The following RALYL variants were observed in gnomAD, a reference collection of about 807,000 sequenced individuals.
The protein encoded by RALYL is RALY RNA binding protein like, also known as RNA-binding Raly-like protein.
In RALYL, 29 loss-of-function variants were observed where a neutral mutation model predicts 35.1. The observed-to-expected ratio is 0.83, with a 90% CI of 0.61 to 1.13. The LOEUF (loss-of-function observed/expected upper bound fraction) is 1.13. RALYL is among the 50% of genes most tolerant of loss of function. The pLI, the probability that RALYL is intolerant of heterozygous loss-of-function variation, is 0.00. For missense variants in RALYL, 359 were observed against 360.4 expected, an observed-to-expected ratio of 1.00 and a Z score of 0.03; for synonymous variants, 120 against 127.6, an observed-to-expected ratio of 0.94 and a Z score of 0.40.
intron 3 of RALYL, among the ~76,000 whole-genome samples, chr8:84,791,968 G>A (rs1563614132): frequency 6.6e-6 from 1 of 152,130 alleles, no homozygotes. Context: ...CCGTATGTGT[G>A]CACTCAAACC....
intron 1 of RALYL, among the ~76,000 whole-genome samples, chr8:84,424,458 T>G (rs992900208): frequency 2.8e-5 from 4 of 142,694 alleles, no homozygotes; most frequent in Admixed American, 7.0e-5. Flanking sequence ...CTTCTAAATT[T>G]TTTTCAAAGT....
intron 6 of RALYL, 110 bp from the exon 7 acceptor site, chr8:84,873,174 T>C: frequency 1.8e-6 from 1 of 551,160 alleles, no homozygotes. Flanking sequence ...AAATGTCCTA[T>C]GTGATTTGAC....
intron 2 of RALYL, among the ~76,000 whole-genome samples, chr8:84,735,200 A>G (rs1847021686): frequency 6.6e-6 from 1 of 151,888 alleles, no homozygotes; most frequent in Non-Finnish European, 1.5e-5. Context: ...AGACTAGATA[A>G]TGAATTCTTG....
At chr8:84,805,101 A>C (rs545275499) in intron 4 of RALYL, among the ~76,000 whole-genome samples, 1 of 152,190 alleles carries the variant, frequency 6.6e-6, no homozygotes, top group Non-Finnish European at 1.5e-5. Flanking sequence ...ATTGGTTTTA[A>C]AAATTCCTCT....
intron 2 of RALYL, among the ~76,000 whole-genome samples, chr8:84,556,500 C>CA (rs199985575): frequency 0.016 from 2,416 of 149,782 alleles, 50 homozygotes; most frequent in African/African-American, 0.051. Context: ...TTGTAAAAGA[C>CA]AAAAAAAAAT....
intron 1 of RALYL, among the ~76,000 whole-genome samples, chr8:84,228,261 G>T (rs201465729): frequency 4.6e-5 from 7 of 151,724 alleles, no homozygotes; most frequent in East Asian, 3.9e-4. Flanking sequence ...AAATACAGTC[G>T]CAAGAATAAG....
intron 2 of RALYL, among the ~76,000 whole-genome samples, chr8:84,663,874 A>G (rs1304100367): frequency 2.6e-5 from 4 of 151,916 alleles, no homozygotes; most frequent in Middle Eastern, 3.2e-3. Flanking sequence ...TGGCATCTTC[A>G]TCATGAAATC....
intron 1 of RALYL, among the ~76,000 whole-genome samples, chr8:84,395,862 A>T (rs1233099915): frequency 6.6e-6 from 1 of 151,936 alleles, no homozygotes; most frequent in Non-Finnish European, 1.5e-5. Context: ...TTTCCTAGGG[A>T]TGTAAATTTC....
intron 2 of RALYL, among the ~76,000 whole-genome samples, chr8:84,714,127 A>G (rs1283515433): frequency 1.3e-5 from 2 of 151,906 alleles, no homozygotes; most frequent in Non-Finnish European, 2.9e-5. Flanking sequence ...AGAGGACATT[A>G]TGCTAAATGA....
Position 84,862,222 on chromosome 8 carries a change from G to T in RALYL, c.414-74G>T, listed in dbSNP as rs1366364221. On this transcript the variant is annotated intron_variant, in intron 5 of 8. Transcript: ENST00000521268. ...TTGAAATTTTCTACCAGGACATTCT[G>T]TTCAACATTTCACATATTTGATAGA... 1.4e-5 allele frequency: 18 copies of T among 1,263,684 alleles called. No individual in the cohort carries two copies. The African/African-American group carries it at 2.0e-4, about 14-fold the overall frequency. The allele number at this position is 1,263,684 out of a possible 1,614,324, so 78.3% of individuals were successfully genotyped here. A position where few individuals can be genotyped will look rare whatever the true frequency, so the allele number is the denominator to read the frequency against.
At chr8:84,779,968 C>T (rs1177554639) in intron 3 of RALYL, among the ~76,000 whole-genome samples, 1 of 152,178 alleles carries the variant, frequency 6.6e-6, no homozygotes, top group Admixed American at 6.5e-5. Context: ...GGAAAAACAT[C>T]CTGGTCATCT....
chr8:84,643,242 C>T (rs1352669214), intron 2 of RALYL, among the ~76,000 whole-genome samples: 2 of 151,770 alleles, frequency 1.3e-5, no homozygotes, highest in African/African-American at 2.4e-5. Flanking sequence ...CCAAGGGTAC[C>T]ACAAATACAA....
At chr8:84,746,175 C>G (rs1464288273) in intron 2 of RALYL, among the ~76,000 whole-genome samples, 1 of 151,968 alleles carries the variant, frequency 6.6e-6, no homozygotes, top group Non-Finnish European at 1.5e-5. Flanking sequence ...ATGCCTGTCA[C>G]AGGATGGGGA....
chr8:84,522,451 G>A (rs933440474), intron 1 of RALYL, among the ~76,000 whole-genome samples: 74 of 151,558 alleles, frequency 4.9e-4, no homozygotes, highest in Non-Finnish European at 7.4e-4. Context: ...GGGTTTCACC[G>A]TTTTAGCCGG....
At position 84,529,598 on chromosome 8, in the gene RALYL, G is replaced by A. The variant is rs375690005; in HGVS notation, c.256+21G>A. 7.4e-4 allele frequency: 1,181 copies of A among 1,594,766 alleles called. 2 individuals carry two copies. Among genetic ancestry groups the A allele is most frequent in the Non-Finnish European group, 9.5e-4 (1,111 of 1,165,400 alleles). ...ACTTGGTAAGTCATGCTCAGACATG[G>A]ATCTCACGTTATTGTTCATATATCT... On this transcript the variant is annotated intron_variant, in intron 2 of 8. Coordinates refer to ENST00000521268, the MANE Select transcript of RALYL (RefSeq NM_173848.7).
chr8:84,429,389 G>A (rs983274934), intron 1 of RALYL, among the ~76,000 whole-genome samples: 1 of 152,154 alleles, frequency 6.6e-6, no homozygotes, highest in Non-Finnish European at 1.5e-5. Context: ...TGTAGCTGTA[G>A]TTTTGATCTT....
At chr8:84,894,805 T>C (rs976932909) in intron 8 of RALYL, among the ~76,000 whole-genome samples, 3 of 152,220 alleles carry the variant, frequency 2.0e-5, no homozygotes, top group African/African-American at 7.2e-5. Flanking sequence ...TTGATTTCAA[T>C]CATTTTTATT....
intron 1 of RALYL, among the ~76,000 whole-genome samples, chr8:84,512,254 C>T (rs1360156236): frequency 6.6e-6 from 1 of 151,786 alleles, no homozygotes; most frequent in East Asian, 1.9e-4. Context: ...GCCATTCTAA[C>T]TAGGTAAGAT....
chr8:84,872,289 G>A (rs145738684), intron 6 of RALYL, among the ~76,000 whole-genome samples: 12 of 152,168 alleles, frequency 7.9e-5, no homozygotes, highest in African/African-American at 2.2e-4. Flanking sequence ...TTAAATGCTC[G>A]TGTCACTGAG....
Sources: gnomAD v4.1 joint callset for allele counts (sites outside exome capture counted in the v4.1 genomes callset) on GRCh38, gnomAD v4.1.1 for gene constraint, MANE v1.5 for transcripts, NCBI Gene and HGNC (gene_info 2026-07-23, HGNC 2026-07-21) for gene names.